GFRA1: variants seen among roughly 807,000 people sequenced by gnomAD.
The protein encoded by GFRA1 is GDNF family receptor alpha-1.
A neutral mutation model predicts 51.6 loss-of-function variants in GFRA1; 16 were observed. The ratio of observed to expected loss-of-function variants is 0.31; its 90% CI spans 0.21 to 0.47. GFRA1 has a LOEUF of 0.47. Among genes scored for constraint, GFRA1 ranks in the 20% least tolerant of loss-of-function variants. The probability of loss-of-function intolerance (pLI) is 1.00; values close to 1 mark genes in which losing one functional copy is unlikely to be tolerated. For synonymous variants in GFRA1, 270 were observed against 241.3 expected, an observed-to-expected ratio of 1.12 and a Z score of -1.10; for missense variants, 530 against 594.3, an observed-to-expected ratio of 0.89 and a Z score of 1.13.
intron 5 of GFRA1, among the ~76,000 whole-genome samples, chr10:116,182,571 A>G (rs1035183907): frequency 5.9e-5 from 9 of 152,228 alleles, no homozygotes; most frequent in African/African-American, 2.2e-4. Flanking sequence ...ACTGGTTCCA[A>G]CCAGATCAAG....
intron 4 of GFRA1, among the ~76,000 whole-genome samples, chr10:116,233,584 T>C (rs1285002188): frequency 6.6e-6 from 1 of 152,008 alleles, no homozygotes; most frequent in African/African-American, 2.4e-5. Flanking sequence ...CCCAACACTC[T>C]CCTTGTGGCC....
chr10:116,180,700 G>T (rs1227628812), intron 5 of GFRA1, among the ~76,000 whole-genome samples: 1 of 151,894 alleles, frequency 6.6e-6, no homozygotes, highest in South Asian at 2.1e-4. Flanking sequence ...TTCTTTCATG[G>T]TTTCTTTTTA....
intron 4 of GFRA1, among the ~76,000 whole-genome samples, chr10:116,232,386 T>G (rs558366418): frequency 6.6e-6 from 1 of 152,294 alleles, no homozygotes; most frequent in South Asian, 2.1e-4. Context: ...TATACACCAT[T>G]TGAATGAATC....
chr10:116,272,442 G>A lies in GFRA1; in HGVS notation c.-246-167C>T. On this transcript the variant is annotated intron_variant, in intron 1 of 10. Transcript: ENST00000355422. The surrounding 1 kb of genome is among the most constrained non-coding windows in gnomAD (Gnocchi z 4.4). Reference sequence around the variant, plus strand: ...ATGTGCGTGTTTTCCAGGGGCCGCTGACACGGGGATGGAGGTGAGGGCTGG... The same window carrying A: ...ATGTGCGTGTTTTCCAGGGGCCGCTAACACGGGGATGGAGGTGAGGGCTGG... 3.2e-6 allele frequency: 1 copy of A among 312,356 alleles called. No homozygotes were observed. Among genetic ancestry groups the A allele is most frequent in the Non-Finnish European group, 6.2e-6 (1 of 162,348 alleles). 19.3% of individuals were successfully genotyped at this position (312,356 alleles called of 1,614,324 possible).
intron 4 of GFRA1, among the ~76,000 whole-genome samples, chr10:116,261,075 T>C (rs1969264511): frequency 6.6e-6 from 1 of 152,192 alleles, no homozygotes; most frequent in South Asian, 2.1e-4. Flanking sequence ...ACTACCTCCT[T>C]AACTAAAGTC....
intron 9 of GFRA1, among the ~76,000 whole-genome samples, chr10:116,077,576 C>T (rs1020727422): frequency 6.6e-6 from 1 of 152,174 alleles, no homozygotes; most frequent in Non-Finnish European, 1.5e-5. Context: ...ACTGAAGATG[C>T]TCAAGCCCAT....
chr10:116,141,600 G>A (rs1206017917), intron 5 of GFRA1, among the ~76,000 whole-genome samples: 3 of 151,800 alleles, frequency 2.0e-5, no homozygotes, highest in African/African-American at 4.8e-5. Flanking sequence ...GGTGGTGGGC[G>A]GGGAGCAGAG....
At chr10:116,166,780 CTTTTTTTTTTTTTTTTTTTTTT>C (rs530399969) in intron 5 of GFRA1, among the ~76,000 whole-genome samples, 2 of 76,384 alleles carry the variant, frequency 2.6e-5, no homozygotes, top group Non-Finnish European at 4.6e-5. Flanking sequence ...CAACAATCTT[CTTTTTTTTTTTTTTTTTTTTTT>C]TTTTTTTTTT....
At chr10:116,222,488 C>T (rs1016546812) in intron 4 of GFRA1, among the ~76,000 whole-genome samples, 1 of 152,120 alleles carries the variant, frequency 6.6e-6, no homozygotes, top group Non-Finnish European at 1.5e-5. Flanking sequence ...CGTGAACCAC[C>T]GTTCCCAGTC....
chr10:116,085,504 A>G (rs1233206941), intron 9 of GFRA1, among the ~76,000 whole-genome samples: 1 of 150,014 alleles, frequency 6.7e-6, no homozygotes, highest in East Asian at 1.9e-4. Context: ...CCATTCTAAG[A>G]TATTTCTAGG....
At chr10:116,146,077 T>A (rs1016921692) in intron 5 of GFRA1, among the ~76,000 whole-genome samples, 7 of 151,990 alleles carry the variant, frequency 4.6e-5, no homozygotes, top group Admixed American at 4.6e-4. Context: ...TATATTCACA[T>A]ATTTATATAT....
rs1207097692 is a variant in GFRA1 at position 116,068,070 on chromosome 10, A to G, written c.1198-2444T>C. 2.6e-5 allele frequency among the ~76,000 whole-genome samples: 4 copies of G among 152,214 alleles called. No homozygotes were observed. The East Asian group carries it at 5.8e-4, about 22-fold the overall frequency. On this transcript the variant is annotated intron_variant, in intron 9 of 10. Transcript: ENST00000355422. Reference sequence around the variant, plus strand: ...TGCCTGGGGGACCACTCCGATTGGCATAACTGGAAGAACTGCTGAGTCCAA... The same window carrying G: ...TGCCTGGGGGACCACTCCGATTGGCGTAACTGGAAGAACTGCTGAGTCCAA...
intron 5 of GFRA1, among the ~76,000 whole-genome samples, chr10:116,205,423 A>C (rs1195657303): frequency 6.6e-6 from 1 of 151,882 alleles, no homozygotes; most frequent in Non-Finnish European, 1.5e-5. Flanking sequence ...AAAAATAAAA[A>C]AATTAGCTGG....
At chr10:116,184,558 G>A (rs1962526035) in intron 5 of GFRA1, among the ~76,000 whole-genome samples, 1 of 152,162 alleles carries the variant, frequency 6.6e-6, no homozygotes, top group Admixed American at 6.5e-5. Context: ...GGCCAGGGGT[G>A]ACATCTGGCC....
chr10:116,212,523 A>AACACAC (rs71010072), intron 4 of GFRA1, among the ~76,000 whole-genome samples: 3,710 of 142,628 alleles, frequency 0.026, 73 homozygotes, highest in Non-Finnish European at 0.038. Context: ...TCCGTCTCAA[A>AACACAC]ACACACACAC....
At chr10:116,106,502 G>C (rs917348286) in intron 6 of GFRA1, among the ~76,000 whole-genome samples, 13 of 152,208 alleles carry the variant, frequency 8.5e-5, no homozygotes, top group African/African-American at 3.1e-4. Context: ...CCCAGTGTTG[G>C]AGGTGGGGCC....
rs897290973 is a variant in GFRA1, at chr10:116,167,538, A to T, written c.434-41981T>A. Among the ~76,000 whole-genome samples the T allele has an allele frequency of 6.6e-5, 10 of 152,042 alleles. No homozygotes were observed. The East Asian group carries it at 1.6e-3, about 24-fold the overall frequency. ...GGCATGTAATGTCTGCAGAATGCTG[A>T]ATGAGTTCATTTTCAAAATTAATTG... On this transcript the variant is annotated intron_variant, in intron 5 of 10. Transcript: ENST00000355422.
chr10:116,212,831 G>C (rs569279546), intron 4 of GFRA1, among the ~76,000 whole-genome samples: 130 of 152,240 alleles, frequency 8.5e-4, no homozygotes, highest in African/African-American at 3.0e-3. Flanking sequence ...TGGCAATTAG[G>C]AATTGTGATG....
intron 4 of GFRA1, among the ~76,000 whole-genome samples, chr10:116,241,431 T>C (rs753758670): frequency 2.6e-5 from 4 of 152,168 alleles, no homozygotes; most frequent in Non-Finnish European, 5.9e-5. Context: ...GACATAAAAA[T>C]GCGTGGTCTC....
Sources: gnomAD v4.1 joint callset for allele counts (sites outside exome capture counted in the v4.1 genomes callset) on GRCh38, gnomAD v4.1.1 for gene constraint, Gnocchi (gnomAD v3.1) non-coding constraint, MANE v1.5 for transcripts, NCBI Gene and HGNC (gene_info 2026-07-23, HGNC 2026-07-21) for gene names.